Variants in DGLUCY observed in about 807,000 individuals in gnomAD.
DGLUCY encodes the protein D-glutamate cyclase, also known as D-glutamate cyclase, mitochondrial.
DGLUCY carries 58 observed loss-of-function variants against 58.5 expected under a neutral mutation model. The ratio of observed to expected loss-of-function variants is 0.99; its 90% CI spans 0.80 to 1.23. DGLUCY has a LOEUF of 1.23. Ranked by LOEUF, DGLUCY falls within the 50% of genes most tolerant of loss-of-function variation. The pLI is 0.00. For synonymous variants in DGLUCY, 325 were observed against 314.1 expected (o/e 1.03, Z -0.37); for missense variants, 779 against 784.7 (o/e 0.99, Z 0.09).
At chr14:91,127,871 C>T (rs921731090) in intron 1 of DGLUCY, among the ~76,000 whole-genome samples, 6 of 151,630 alleles carry the variant, frequency 4.0e-5, no homozygotes, top group Non-Finnish European at 8.8e-5. Context: ...TTTTTCTCAC[C>T]GAGCTTACTG....
chr14:91,164,498 T>C (rs539259739), intron 3 of DGLUCY, among the ~76,000 whole-genome samples: 1 of 152,354 alleles, frequency 6.6e-6, no homozygotes, highest in Admixed American at 6.5e-5. Context: ...TTTCCAGTTA[T>C]TTGAAAGGAT....
intron 8 of DGLUCY, among the ~76,000 whole-genome samples, chr14:91,182,513 G>T (rs1223856061): frequency 6.6e-6 from 1 of 151,878 alleles, no homozygotes; most frequent in Non-Finnish European, 1.5e-5. Context: ...GCCCAGGTTG[G>T]TCTTGAACTC....
At chr14:91,221,262 G>T (rs866356045) in intron 13 of DGLUCY, among the ~76,000 whole-genome samples, 5 of 152,368 alleles carry the variant, frequency 3.3e-5, no homozygotes, top group Middle Eastern at 3.4e-3. Context: ...GGAGTGAGGG[G>T]CCAAAGAGTG....
chr14:91,106,177 G>A (rs550057869), upstream of DGLUCY, among the ~76,000 whole-genome samples: 3 of 151,918 alleles, frequency 2.0e-5, no homozygotes, highest in African/African-American at 7.2e-5. Context: ...GCATGGTGAC[G>A]TGCGCCTGTA....
intron 12 of DGLUCY, among the ~76,000 whole-genome samples, chr14:91,209,329 TAAAG>T (rs1158093659): frequency 6.6e-6 from 1 of 151,836 alleles, no homozygotes; most frequent in African/African-American, 2.4e-5. Context: ...ACAAAGGCAA[TAAAG>T]AAAACAGCAG....
At chr14:91,089,012 C>T (rs1450035314) in intron 1 of DGLUCY, among the ~76,000 whole-genome samples, 4 of 152,034 alleles carry the variant, frequency 2.6e-5, no homozygotes, top group Admixed American at 2.0e-4. Context: ...GCCACAGGGC[C>T]CACTCAATAA....
At chr14:91,157,215 G>GTGGATGGATGGATGGGTGGATGGATGGA (rs2047700010) in intron 1 of DGLUCY, among the ~76,000 whole-genome samples, 1 of 106,336 alleles carries the variant, frequency 9.4e-6, no homozygotes, top group East Asian at 2.5e-4. Context: ...GAATGAATGG[G>GTGGATGGATGGATGGGTGGATGGATGGA]TGGATGGATG....
At chr14:91,080,266 T>C (rs1314319497) in intron 1 of DGLUCY, among the ~76,000 whole-genome samples, 3 of 152,246 alleles carry the variant, frequency 2.0e-5, no homozygotes, top group Non-Finnish European at 4.4e-5. Flanking sequence ...TGTACAAGTA[T>C]CTGTTTGAGT....
intron 1 of DGLUCY, among the ~76,000 whole-genome samples, chr14:91,138,166 C>T (rs2046447433): frequency 6.6e-6 from 1 of 152,104 alleles, no homozygotes; most frequent in Non-Finnish European, 1.5e-5. Context: ...CTATCTAGAC[C>T]ATGGGGTATC....
chr14:91,131,894 A>T (rs543801054), intron 1 of DGLUCY, among the ~76,000 whole-genome samples: 1 of 152,170 alleles, frequency 6.6e-6, no homozygotes, highest in Non-Finnish European at 1.5e-5. Flanking sequence ...CCTGGGTTCA[A>T]GTAATTCTCT....
intron 1 of DGLUCY, among the ~76,000 whole-genome samples, chr14:91,078,876 T>A (rs866820554): frequency 7.3e-4 from 100 of 136,774 alleles, no homozygotes; most frequent in African/African-American, 2.5e-3. Flanking sequence ...TATTTTTAAT[T>A]TTTATTTATT....
At chr14:91,086,983 TC>T (rs891806834) in intron 1 of DGLUCY, among the ~76,000 whole-genome samples, 4 of 151,812 alleles carry the variant, frequency 2.6e-5, no homozygotes, top group Non-Finnish European at 4.4e-5. Context: ...TTCCCTAAAT[TC>T]CCCCAGGACA....
intron 1 of DGLUCY, among the ~76,000 whole-genome samples, chr14:91,134,062 A>G (rs1882397907): frequency 6.6e-6 from 1 of 152,144 alleles, no homozygotes; most frequent in South Asian, 2.1e-4. Flanking sequence ...GTGTCTTAAT[A>G]TCTGGTAGAG....
At chr14:91,158,095 G>C (rs1379215049) in intron 2 of DGLUCY, among the ~76,000 whole-genome samples, 1 of 152,190 alleles carries the variant, frequency 6.6e-6, no homozygotes, top group Non-Finnish European at 1.5e-5. Flanking sequence ...GGCCTTTGCT[G>C]TGTGCCAGGC....
At chr14:91,150,014 T>A (rs1188261644) in intron 1 of DGLUCY, among the ~76,000 whole-genome samples, 2 of 151,040 alleles carry the variant, frequency 1.3e-5, no homozygotes, top group Non-Finnish European at 3.0e-5. Flanking sequence ...AGGTCAGGAG[T>A]TTGAGACCAG....
chr14:91,074,702 A>G (rs1371675365), intron 1 of DGLUCY, among the ~76,000 whole-genome samples: 1 of 152,180 alleles, frequency 6.6e-6, no homozygotes, highest in Non-Finnish European at 1.5e-5. Context: ...CATTTTTGCC[A>G]TTGAAAGTAA....
intron 7 of DGLUCY, among the ~76,000 whole-genome samples, chr14:91,180,891 G>A (rs889784995): frequency 1.3e-5 from 2 of 152,188 alleles, no homozygotes; most frequent in Admixed American, 1.3e-4. Flanking sequence ...ATATCCATGG[G>A]TTAAATTGAT....
In DGLUCY at chr14:91,170,794, G is replaced by A. The variant is rs552675388; in HGVS notation, c.456+593G>A. On this transcript the variant is annotated intron_variant, in intron 5 of 13. Coordinates refer to ENST00000256324, the MANE Select transcript of DGLUCY (RefSeq NM_001102368.3). Reference sequence around the variant, plus strand: ...ACAGACCCTTCCTGGACATCTGTTGGTAAAGTCTGAGAGTTCACTCTGCTC... The same window carrying A: ...ACAGACCCTTCCTGGACATCTGTTGATAAAGTCTGAGAGTTCACTCTGCTC... Among the ~76,000 whole-genome samples, 20 of 152,308 alleles carry A rather than the reference G, an allele frequency of 1.3e-4. 1 individual carries two copies. In the South Asian group the frequency reaches 2.1e-3, roughly 16 times the overall value.
At chr14:91,095,954 C>T (rs1305173217) in intron 1 of DGLUCY, among the ~76,000 whole-genome samples, 2 of 152,212 alleles carry the variant, frequency 1.3e-5, no homozygotes, top group East Asian at 3.8e-4. Flanking sequence ...GAGCCAGGTG[C>T]TAGTGCCCTT....
Sources: allele counts gnomAD v4.1 joint callset (sites outside exome capture counted in the v4.1 genomes callset), GRCh38; gene constraint gnomAD v4.1.1; transcripts MANE v1.5; gene names NCBI Gene and HGNC (gene_info 2026-07-23, HGNC 2026-07-21).